The following ANO3 variants were observed in gnomAD, a reference collection of about 807,000 sequenced individuals.
ANO3 encodes the protein anoctamin-3.
ANO3 carries 99 observed loss-of-function variants against 144.8 expected under a neutral mutation model. The observed-to-expected ratio is 0.68, with a 90% CI of 0.58 to 0.81. The LOEUF (loss-of-function observed/expected upper bound fraction) is 0.81, where lower values mean the gene tolerates loss of function less well. Ranked by LOEUF, ANO3 falls within the 30% of genes least tolerant of loss-of-function variation. The probability of loss-of-function intolerance (pLI) is 0.00; values close to 1 mark genes in which losing one functional copy is unlikely to be tolerated. For missense variants in ANO3, 905 were observed against 1,202.2 expected, an observed-to-expected ratio of 0.75 and a Z score of 3.66; for synonymous variants, 414 against 392.6, an observed-to-expected ratio of 1.05 and a Z score of -0.64.
intron 24 of ANO3, among the ~76,000 whole-genome samples, chr11:26,652,834 A>T (rs1236202826): frequency 2.0e-5 from 3 of 152,154 alleles, no homozygotes; most frequent in Admixed American, 6.6e-5. Context: ...TGTCATGATG[A>T]CTTTCACATT....
At position 26,531,312 on chromosome 11, in the gene ANO3, C is replaced by T; in HGVS notation, c.845C>T (p.Pro282Leu). 6.2e-7 allele frequency: 1 copy of T among 1,612,726 alleles called. No homozygotes were observed. The highest frequency in any genetic ancestry group is 8.5e-7 in the Non-Finnish European group (1 of 1,179,438). The change falls in exon 8 of 27, where the codon CCC becomes CTC. Residue 282 changes from proline to leucine, a missense_variant. Around this residue, in one of 4 missense-constraint regions of ANO3, gnomAD observed 71 missense variants for 57.9 expected, o/e 1.23. Coordinates refer to ENST00000256737, the MANE Select transcript of ANO3 (RefSeq NM_031418.4). ...DLEESDCYTG[P>L]FSRARIHHFI... ...GAGGAGTCAGACTGCTATACTGGCC[C>T]CTTCAGCCGTGCACGGATTCACCAG...
chr11:26,456,359 A>G (rs561369951), intron 3 of ANO3, among the ~76,000 whole-genome samples: 2 of 152,320 alleles, frequency 1.3e-5, no homozygotes, highest in African/African-American at 4.8e-5. Context: ...ATCTACAATG[A>G]ACTCAAACAA....
chr11:26,500,328 T>G (rs1861142579), intron 4 of ANO3, among the ~76,000 whole-genome samples: 1 of 151,984 alleles, frequency 6.6e-6, no homozygotes, highest in South Asian at 2.1e-4. Flanking sequence ...TACCTAGGAG[T>G]GAAACTGATA....
intron 4 of ANO3, among the ~76,000 whole-genome samples, chr11:26,497,594 T>C (rs187197463): frequency 1.9e-4 from 29 of 152,226 alleles, no homozygotes. Context: ...ATCTTAGGAA[T>C]ATTTTCACTG....
intron 1 of ANO3, among the ~76,000 whole-genome samples, chr11:26,268,435 T>C (rs1853361935): frequency 6.6e-6 from 1 of 152,006 alleles, no homozygotes; most frequent in Non-Finnish European, 1.5e-5. Context: ...CCCTCGGGGG[T>C]TTGATCCCTC....
At chr11:26,383,472 T>C (rs879527764) in intron 1 of ANO3, among the ~76,000 whole-genome samples, 1 of 152,186 alleles carries the variant, frequency 6.6e-6, no homozygotes, top group Non-Finnish European at 1.5e-5. Flanking sequence ...TGTTAGATTG[T>C]TCCTAATAAT....
chr11:26,401,642 C>T (rs746282389), intron 1 of ANO3, among the ~76,000 whole-genome samples: 2 of 151,914 alleles, frequency 1.3e-5, no homozygotes, highest in Admixed American at 6.6e-5. Flanking sequence ...TGGGAGAGGC[C>T]GAGGCAAGCA....
chr11:26,248,976 A>G (rs1590215324), intron 1 of ANO3, among the ~76,000 whole-genome samples: 1 of 152,180 alleles, frequency 6.6e-6, no homozygotes, highest in Admixed American at 6.5e-5. Flanking sequence ...TGCCTCTGAA[A>G]CCATCCCCTG....
chr11:26,626,163 T>G (rs1852577023), intron 18 of ANO3, among the ~76,000 whole-genome samples: 1 of 152,222 alleles, frequency 6.6e-6, no homozygotes. Flanking sequence ...TCTTTTCTCA[T>G]TTTGAGATTT....
chr11:26,412,002 A>G (rs1377796798), intron 1 of ANO3, among the ~76,000 whole-genome samples: 1 of 152,052 alleles, frequency 6.6e-6, no homozygotes, highest in Non-Finnish European at 1.5e-5. Context: ...AGTAGACATC[A>G]AATCAATCAT....
rs544655121 is a variant in ANO3, at chr11:26,347,644, C to T, written c.46+15323C>T. 3.3e-5 allele frequency among the ~76,000 whole-genome samples: 5 copies of T among 152,244 alleles called. No homozygotes were observed. The East Asian group carries it at 7.7e-4, about 23-fold the overall frequency. ...TACACTCTACTATGGGCACATGGCC[C>T]GTCCTTATTAATTCTTTAAGGACAG... On this transcript the variant is annotated intron_variant, in intron 1 of 26. Coordinates refer to ENST00000256737, the MANE Select transcript of ANO3 (RefSeq NM_031418.4).
chr11:26,249,126 C>T (rs563742060), intron 1 of ANO3, among the ~76,000 whole-genome samples: 1 of 152,242 alleles, frequency 6.6e-6, no homozygotes, highest in African/African-American at 2.4e-5. Context: ...CTTATATTTG[C>T]ATAGCTCTTC....
chr11:26,443,849 T>A lies in ANO3; in HGVS notation c.313+13T>A. ...GATTTTTGTTTGGGTAAGTTGATAA[T>A]CAGTATTTACCTACTCCTTTCCCTC... On this transcript the variant is annotated intron_variant, in intron 3 of 26. Coordinates refer to ENST00000256737, the MANE Select transcript of ANO3 (RefSeq NM_031418.4). 11 of 1,590,806 alleles carry A rather than the reference T, an allele frequency of 6.9e-6. No homozygotes were observed. Among genetic ancestry groups the A allele is most frequent in the Non-Finnish European group, 9.5e-6 (11 of 1,160,354 alleles).
rs188733995 is a variant in ANO3 at position 26,316,125 on chromosome 11, G to A, written c.-3+6406G>A. ...GGTCTGCATAGTTCCCAGTTATTGC[G>A]GGATCTGGCCAGCAGCCCTTAATGC... On this transcript the variant is annotated intron_variant, in intron 1 of 26. Transcript: ENST00000525139. 2.0e-4 allele frequency among the ~76,000 whole-genome samples: 30 copies of A among 152,274 alleles called. No homozygotes were observed. In the East Asian group the frequency reaches 4.6e-3, roughly 24 times the overall value.
chr11:26,320,692 C>A (rs988187126), intron 1 of ANO3, among the ~76,000 whole-genome samples: 8 of 152,012 alleles, frequency 5.3e-5, no homozygotes, highest in African/African-American at 1.9e-4. Flanking sequence ...TACACTCCTA[C>A]CTTTACATAA....
chr11:26,346,965 T>C (rs1435839477), intron 1 of ANO3, among the ~76,000 whole-genome samples: 1 of 152,228 alleles, frequency 6.6e-6, no homozygotes, highest in Non-Finnish European at 1.5e-5. Flanking sequence ...TTCTTATCTT[T>C]GGAATAAACT....
intron 4 of ANO3, among the ~76,000 whole-genome samples, chr11:26,495,269 ATTTT>A (rs57546253): frequency 2.5e-5 from 3 of 120,984 alleles, no homozygotes; most frequent in Non-Finnish European, 3.4e-5. Flanking sequence ...CGGCTGGCTG[ATTTT>A]TTTTTTTTTT....
chr11:26,582,596 G>A (rs61877059), intron 14 of ANO3, among the ~76,000 whole-genome samples: 4,715 of 152,246 alleles, frequency 0.031, 107 homozygotes, highest in Non-Finnish European at 0.05. Flanking sequence ...ATACTTCTGA[G>A]TATCAGCAAG....
chr11:26,408,987 A>G (rs10834975), intron 1 of ANO3, among the ~76,000 whole-genome samples: 8 of 149,378 alleles, frequency 5.4e-5, no homozygotes, highest in East Asian at 2.0e-4. Flanking sequence ...GGGTGGGGGG[A>G]GTGGGGAGGG....
Sources: gnomAD v4.1 joint callset for allele counts (sites outside exome capture counted in the v4.1 genomes callset) on GRCh38, gnomAD v4.1.1 for gene constraint, gnomAD v4.1.1 regional missense constraint, MANE v1.5 for transcripts, NCBI Gene and HGNC (gene_info 2026-07-23, HGNC 2026-07-21) for gene names.